SLC9A9: variants seen among roughly 807,000 people sequenced by gnomAD.
SLC9A9 encodes sodium/hydrogen exchanger 9.
A neutral mutation model predicts 77.8 loss-of-function variants in SLC9A9; 62 were observed. The observed-to-expected ratio is 0.80, with a 90% CI of 0.65 to 0.98. The LOEUF is 0.98. Ranked by LOEUF, SLC9A9 falls within the 50% of genes least tolerant of loss-of-function variation. The pLI, the probability that SLC9A9 is intolerant of heterozygous loss-of-function variation, is 0.00. For synonymous variants in SLC9A9, 320 were observed against 283.5 expected, an observed-to-expected ratio of 1.13 and a Z score of -1.29; for missense variants, 775 against 774.9, an observed-to-expected ratio of 1.00 and a Z score of 0.00.
At chr3:143,722,389 C>T (rs986584478) in intron 4 of SLC9A9, among the ~76,000 whole-genome samples, 1 of 139,238 alleles carries the variant, frequency 7.2e-6, no homozygotes, top group South Asian at 2.3e-4. Context: ...AGAAGAATGG[C>T]GTGAACCAGG....
At chr3:143,624,450 A>G (rs925690898) in intron 6 of SLC9A9, among the ~76,000 whole-genome samples, 4 of 152,292 alleles carry the variant, frequency 2.6e-5, no homozygotes, top group African/African-American at 7.2e-5. Context: ...GGGATGCAAG[A>G]CTGGTTCAAC....
intron 11 of SLC9A9, among the ~76,000 whole-genome samples, chr3:143,481,067 C>T (rs1419029343): frequency 1.3e-5 from 2 of 152,178 alleles, no homozygotes; most frequent in Non-Finnish European, 2.9e-5. Flanking sequence ...GTATATCATT[C>T]ATTCACCTAT....
chr3:143,357,943 A>T (rs1386306012), intron 14 of SLC9A9, among the ~76,000 whole-genome samples: 3 of 152,194 alleles, frequency 2.0e-5, no homozygotes, highest in African/African-American at 7.2e-5. Flanking sequence ...CACAATATTC[A>T]TACCTATGAC....
intron 9 of SLC9A9, among the ~76,000 whole-genome samples, chr3:143,514,637 T>C (rs1205497745): frequency 1.3e-5 from 2 of 152,246 alleles, no homozygotes; most frequent in Admixed American, 6.5e-5. Flanking sequence ...TGCACTTTTA[T>C]GTTATGGAGA....
chr3:143,540,030 T>G (rs17641098), intron 9 of SLC9A9, among the ~76,000 whole-genome samples: 29,762 of 151,958 alleles, frequency 0.2, 2,945 homozygotes, highest in Non-Finnish European at 0.22. Flanking sequence ...GTAAGTATAC[T>G]TTCTTAGGGC....
intron 12 of SLC9A9, among the ~76,000 whole-genome samples, chr3:143,394,668 G>A (rs2033681420): frequency 6.6e-6 from 1 of 152,280 alleles, no homozygotes; most frequent in Middle Eastern, 3.4e-3. Flanking sequence ...AATTGTCCCT[G>A]TTTGCAGATG....
intron 14 of SLC9A9, among the ~76,000 whole-genome samples, chr3:143,321,286 A>T (rs567531724): frequency 1.3e-5 from 2 of 152,354 alleles, no homozygotes; most frequent in South Asian, 4.1e-4. Flanking sequence ...TATGACCTCC[A>T]CTGCGGAGCA....
chr3:143,606,617 C>T (rs561411577), intron 6 of SLC9A9, among the ~76,000 whole-genome samples: 22 of 150,194 alleles, frequency 1.5e-4, no homozygotes, highest in African/African-American at 4.9e-4. Context: ...ATATAAAATA[C>T]AATGAAAGAA....
chr3:143,721,794 T>C lies in SLC9A9; in HGVS notation c.534-28487A>G, dbSNP rs537752098. Among the ~76,000 whole-genome samples the C allele has an allele frequency of 4.3e-4, 66 of 152,268 alleles. No homozygotes were observed. In the South Asian group the frequency reaches 0.013, roughly 30 times the overall value. On this transcript the variant is annotated intron_variant, in intron 4 of 15. Coordinates refer to ENST00000316549, the MANE Select transcript of SLC9A9 (RefSeq NM_173653.4). ...AGGAAGGAGAAAAATAGCCACATGGTAACAACTCAGAGCAAGAAGAGAAAG... is the reference window on the plus strand; with the variant it reads ...AGGAAGGAGAAAAATAGCCACATGGCAACAACTCAGAGCAAGAAGAGAAAG...
intron 9 of SLC9A9, chr3:143,517,664 G>A (rs937040801): frequency 1.0e-5 from 16 of 1,596,616 alleles, no homozygotes; most frequent in African/African-American, 8.0e-5. Flanking sequence ...GTGTGCTTTC[G>A]CCCGCCACTT....
chr3:143,846,945 A>G (rs2009843503), intron 1 of SLC9A9, among the ~76,000 whole-genome samples: 1 of 152,140 alleles, frequency 6.6e-6, no homozygotes, highest in East Asian at 1.9e-4. Context: ...AAAGACCCTC[A>G]GTACCAAGGA....
At chr3:143,607,522 T>A (rs1227903658) in intron 6 of SLC9A9, among the ~76,000 whole-genome samples, 1 of 152,148 alleles carries the variant, frequency 6.6e-6, no homozygotes, top group Non-Finnish European at 1.5e-5. Flanking sequence ...CATTTTAATT[T>A]ATACATAGTG....
At chr3:143,634,654 T>TCA (rs541354025) in intron 6 of SLC9A9, among the ~76,000 whole-genome samples, 201 of 152,026 alleles carry the variant, frequency 1.3e-3, no homozygotes, top group African/African-American at 4.6e-3. Flanking sequence ...GTTTATTGCT[T>TCA]CACACACACA....
chr3:143,564,138 T>C (rs2037130731), intron 8 of SLC9A9, among the ~76,000 whole-genome samples: 1 of 152,240 alleles, frequency 6.6e-6, no homozygotes, highest in African/African-American at 2.4e-5. Context: ...TAAATGTTTA[T>C]ATGAATTTAT....
At chr3:143,506,985 T>A (rs73146741) in intron 9 of SLC9A9, among the ~76,000 whole-genome samples, 2 of 152,134 alleles carry the variant, frequency 1.3e-5, no homozygotes, top group Non-Finnish European at 2.9e-5. Flanking sequence ...ATTCACACAT[T>A]ATCACATTTT....
intron 6 of SLC9A9, among the ~76,000 whole-genome samples, chr3:143,643,024 T>C (rs78071403): frequency 0.012 from 1,885 of 152,330 alleles, 41 homozygotes; most frequent in African/African-American, 0.043. Flanking sequence ...GATTTACTTT[T>C]GTTTTGCTTA....
intron 6 of SLC9A9, among the ~76,000 whole-genome samples, chr3:143,598,978 G>A (rs2037803303): frequency 6.6e-6 from 1 of 152,218 alleles, no homozygotes; most frequent in South Asian, 2.1e-4. Context: ...CAAGCCAGAT[G>A]CTGAAAATTA....
At chr3:143,802,424 C>T (rs1251842791) in intron 2 of SLC9A9, among the ~76,000 whole-genome samples, 1 of 152,176 alleles carries the variant, frequency 6.6e-6, no homozygotes, top group Admixed American at 6.5e-5. Flanking sequence ...AGGGACTTGC[C>T]CCTGCCCAGG....
chr3:143,280,140 G>T (rs985445683), intron 14 of SLC9A9, among the ~76,000 whole-genome samples: 1 of 151,140 alleles, frequency 6.6e-6, no homozygotes, highest in African/African-American at 2.5e-5. Context: ...CCTTTCTTAT[G>T]TTTGTTTCTC....
Sources: gnomAD v4.1 joint callset for allele counts (sites outside exome capture counted in the v4.1 genomes callset) on GRCh38, gnomAD v4.1.1 for gene constraint, MANE v1.5 for transcripts, NCBI Gene and HGNC (gene_info 2026-07-23, HGNC 2026-07-21) for gene names.